The following AQR variants were observed in gnomAD, a reference collection of about 807,000 sequenced individuals.
The protein encoded by AQR is aquarius intron-binding spliceosomal factor, also known as RNA helicase aquarius.
In AQR, 61 loss-of-function variants were observed where a neutral mutation model predicts 180.5. That is an observed-to-expected ratio of 0.34 (90% CI 0.28 to 0.42). The LOEUF (loss-of-function observed/expected upper bound fraction) is 0.42, where lower values mean the gene tolerates loss of function less well. Among genes scored for constraint, AQR ranks in the 10% least tolerant of loss-of-function variants. AQR has a pLI of 1.00. For synonymous variants in AQR, 551 were observed against 588.8 expected (o/e 0.94, Z 0.93); for missense variants, 1,281 against 1,798.3 (o/e 0.71, Z 5.20).
chr15:34,910,099 CA>C lies in AQR; in HGVS notation c.1663+35del, dbSNP rs546768723. On this transcript the variant is annotated intron_variant, in intron 17 of 34. Coordinates refer to ENST00000156471, the MANE Select transcript of AQR (RefSeq NM_014691.3). ...CTCTAAGTGAAAGTTCATAACAAGG[CA>C]AAAGGTAATGTCACTTTTTGAAATA... 1.4e-5 allele frequency: 23 copies of C among 1,608,090 alleles called. No homozygotes were observed. In the East Asian group the frequency reaches 4.5e-4, roughly 31 times the overall value.
At position 34,958,372 on chromosome 15, in the gene AQR, T is replaced by C. The variant is rs149797955; in HGVS notation, c.173+2402A>G. ...TACCAAAAATACAAAAAGAATTAGC[T>C]GGGCATGGTGGTTTGTGCCTGTGGT... On this transcript the variant is annotated intron_variant, in intron 3 of 34. Coordinates refer to ENST00000156471, the MANE Select transcript of AQR (RefSeq NM_014691.3). Among the ~76,000 whole-genome samples, 990 of 151,918 alleles carry C rather than the reference T, an allele frequency of 6.5e-3. 13 individuals carry two copies. The highest frequency in any genetic ancestry group is 0.023 in the African/African-American group (940 of 41,402).
intron 15 of AQR, among the ~76,000 whole-genome samples, chr15:34,917,282 C>T (rs1040884569): frequency 2.0e-5 from 3 of 152,158 alleles, no homozygotes; most frequent in African/African-American, 7.2e-5. Flanking sequence ...TATACCAATA[C>T]TTATACTTGT....
At chr15:34,949,489 G>T (rs996539468) in intron 4 of AQR, among the ~76,000 whole-genome samples, 1 of 150,348 alleles carries the variant, frequency 6.7e-6, no homozygotes, top group African/African-American at 2.4e-5. Flanking sequence ...TGTGCCTATA[G>T]TCCCAGCTAC....
chr15:34,906,653 T>G lies in AQR; in HGVS notation c.1723A>C (p.Thr575Pro), dbSNP rs746834702. ...ITVRPTKPYG[T>P]KFDRRRPFIE... ...AAAGGTCTCCTCCGGTCAAACTTAG[T>G]GCCATAAGGTTTTGTGGGACGTACG... Residue 575 changes from threonine (T) to proline (P), a missense_variant, in exon 18 of 35, where the codon ACT becomes CCT. Physicochemically the swap from Thr to Pro is conservative, Grantham distance 38. Around this residue, in one of 9 missense-constraint regions of AQR, gnomAD observed 200 missense variants for 293.4 expected, o/e 0.68. Transcript: ENST00000156471. 8.1e-6 allele frequency: 13 copies of G among 1,614,006 alleles called. No homozygotes were observed. In the Admixed American group the frequency reaches 1.5e-4, roughly 19 times the overall value.
At position 34,876,013 on chromosome 15, in the gene AQR, A is replaced by G; in HGVS notation, c.3166-7T>C. 1 of 1,607,778 alleles carries G rather than the reference A, an allele frequency of 6.2e-7. No homozygotes were observed. Among genetic ancestry groups the G allele is most frequent in the Non-Finnish European group, 8.5e-7 (1 of 1,175,808 alleles). On this transcript the variant is annotated splice_polypyrimidine_tract_variant and splice_region_variant and intron_variant, in intron 27 of 34. Coordinates refer to ENST00000156471, the MANE Select transcript of AQR (RefSeq NM_014691.3). Reference sequence around the variant, plus strand: ...CCATCAAAATGTTGTCATACTAAGAAAGAGGAAATCTTGTCATAAAGACAG... The same window carrying G: ...CCATCAAAATGTTGTCATACTAAGAGAGAGGAAATCTTGTCATAAAGACAG...
chr15:34,868,898 T>C (rs1051637802), intron 31 of AQR: 1 of 152,202 alleles, frequency 6.6e-6, no homozygotes, highest in African/African-American at 2.4e-5. Flanking sequence ...ACTCACCTTT[T>C]CATGAAAAGT....
At chr15:34,905,054 C>T (rs963255788) in intron 18 of AQR, among the ~76,000 whole-genome samples, 3 of 146,890 alleles carry the variant, frequency 2.0e-5, no homozygotes, top group African/African-American at 7.7e-5. Context: ...TGGTTGAAAG[C>T]CCAGAGCCTT....
chr15:34,942,046 A>C lies in AQR; in HGVS notation c.506T>G (p.Leu169Arg). Reference sequence around the variant, plus strand: ...GCCCATCCACATTGGGAGGGAGATAAGCTGCTGTACTTGACTTCGTATCAA... The same window carrying C: ...GCCCATCCACATTGGGAGGGAGATACGCTGCTGTACTTGACTTCGTATCAA... ...VDLIRSQVQQ[L>R]ISLPMWMGLQ... Residue 169 changes from leucine (L) to arginine (R), a missense_variant, in exon 7 of 35, where the codon CTT becomes CGT. Physicochemically the swap from Leu to Arg is moderately radical, Grantham distance 102. Transcript: ENST00000156471. 6.2e-7 allele frequency: 1 copy of C among 1,612,948 alleles called. No individual in the cohort carries two copies. The highest frequency in any genetic ancestry group is 8.5e-7 in the Non-Finnish European group (1 of 1,179,350).
chr15:34,911,628 A>G (rs1893500039), intron 16 of AQR, among the ~76,000 whole-genome samples: 1 of 152,036 alleles, frequency 6.6e-6, no homozygotes, highest in Admixed American at 6.5e-5. Flanking sequence ...CCCATTTTTT[A>G]TTGGGTTATT....
chr15:34,884,233 C>G (rs1421461012), intron 26 of AQR, among the ~76,000 whole-genome samples: 3 of 151,710 alleles, frequency 2.0e-5, no homozygotes, highest in Admixed American at 1.3e-4. Flanking sequence ...ATGGTGAAAC[C>G]CTGTCTCTAC....
intron 34 of AQR, among the ~76,000 whole-genome samples, chr15:34,858,636 A>G (rs1345988010): frequency 2.0e-5 from 3 of 152,174 alleles, no homozygotes; most frequent in African/African-American, 7.2e-5. Flanking sequence ...TAGCTAAGAC[A>G]ATTTCTAAAA....
At position 34,853,267 on chromosome 15, in the gene AQR, C is replaced by A. The variant is rs1330408687; in HGVS notation, c.*3525G>T. On this transcript the variant is annotated 3_prime_UTR_variant, in exon 35 of 35. Coordinates refer to ENST00000156471, the MANE Select transcript of AQR (RefSeq NM_014691.3). ...GTTTTTTTTTTTTTTTTAACTTTATCTTGTTTTGATTGAAGAAACATCTCT... is the reference window on the plus strand; with the variant it reads ...GTTTTTTTTTTTTTTTTAACTTTATATTGTTTTGATTGAAGAAACATCTCT... 7.1e-6 allele frequency: 1 copy of A among 140,082 alleles called. No individual in the cohort carries two copies. Among genetic ancestry groups the A allele is most frequent in the Non-Finnish European group, 1.5e-5 (1 of 64,820 alleles). The allele number at this position is 140,082 out of a possible 1,614,324, so 8.7% of individuals were successfully genotyped here.
intron 10 of AQR, among the ~76,000 whole-genome samples, chr15:34,932,875 G>A (rs938617023): frequency 2.6e-5 from 4 of 152,048 alleles, no homozygotes; most frequent in African/African-American, 2.4e-5. Flanking sequence ...AGAATTGCTT[G>A]AACCCAGGAG....
intron 5 of AQR, among the ~76,000 whole-genome samples, chr15:34,946,470 A>G (rs550321623): frequency 0.042 from 3,855 of 91,286 alleles, 195 homozygotes; most frequent in African/African-American, 0.14. Context: ...CGCCCCGTCC[A>G]GGAGGGAGGT....
At chr15:34,948,209 T>C (rs1343402072) in intron 5 of AQR, 55 bp downstream of exon 5, 2 of 1,574,562 alleles carry the variant, frequency 1.3e-6, no homozygotes. Context: ...TCTGCCACTT[T>C]GTAATGGCTT....
chr15:34,958,896 A>C (rs1595811809), intron 3 of AQR, among the ~76,000 whole-genome samples: 1 of 152,148 alleles, frequency 6.6e-6, no homozygotes, highest in Non-Finnish European at 1.5e-5. Context: ...ATTCTGAAAT[A>C]CCAGCCCTTG....
chr15:34,898,678 A>G lies in AQR; in HGVS notation c.2244-973T>C, dbSNP rs193121196. On this transcript the variant is annotated intron_variant, in intron 20 of 34. Transcript: ENST00000156471. ...GGCGGGTGAATCACGAGGTCAGGAGATCGAGACCATCCTGGCTAACACGGC... is the reference window on the plus strand; with the variant it reads ...GGCGGGTGAATCACGAGGTCAGGAGGTCGAGACCATCCTGGCTAACACGGC... Among the ~76,000 whole-genome samples the G allele has an allele frequency of 1.9e-3, 286 of 152,106 alleles. 1 individual carries two copies. Among genetic ancestry groups the G allele is most frequent in the African/African-American group, 6.6e-3 (275 of 41,474 alleles).
chr15:34,869,313 T>C (rs1440198863), intron 31 of AQR: 1 of 152,216 alleles, frequency 6.6e-6, no homozygotes, highest in Admixed American at 6.5e-5. Flanking sequence ...GTCTTCCTTA[T>C]GTGAAGTGTC....
intron 32 of AQR, among the ~76,000 whole-genome samples, chr15:34,863,618 T>C (rs1001526255): frequency 2.0e-5 from 3 of 152,192 alleles, no homozygotes; most frequent in Admixed American, 6.5e-5. Flanking sequence ...GTATTTATTC[T>C]AGTATTTAGA....
Sources: gnomAD v4.1 joint callset for allele counts (sites outside exome capture counted in the v4.1 genomes callset) on GRCh38, gnomAD v4.1.1 for gene constraint, gnomAD v4.1.1 regional missense constraint, MANE v1.5 for transcripts, NCBI Gene and HGNC (gene_info 2026-07-23, HGNC 2026-07-21) for gene names.